The following DENND1A variants were observed in gnomAD, a reference collection of about 807,000 sequenced individuals.
DENND1A encodes the protein DENN domain-containing protein 1A.
Under a neutral mutation model 113.7 loss-of-function variants are expected in DENND1A, and 51 were observed. The observed-to-expected ratio is 0.45, with a 90% CI of 0.36 to 0.57. DENND1A has a LOEUF of 0.57. Ranked by LOEUF, DENND1A falls within the 20% of genes least tolerant of loss-of-function variation. The pLI, the probability that DENND1A is intolerant of heterozygous loss-of-function variation, is 0.00. For missense variants in DENND1A, 1,258 were observed against 1,395.9 expected (o/e 0.90, Z 1.57); for synonymous variants, 565 against 570.8 (o/e 0.99, Z 0.14).
chr9:123,796,752 T>TAC (rs1191964519), intron 2 of DENND1A, among the ~76,000 whole-genome samples: 1 of 107,154 alleles, frequency 9.3e-6, no homozygotes, highest in African/African-American at 4.9e-5. Context: ...CTCCTATGTG[T>TAC]ACATACACAC....
At chr9:123,593,084 C>T (rs2059533361) in intron 11 of DENND1A, among the ~76,000 whole-genome samples, 1 of 152,196 alleles carries the variant, frequency 6.6e-6, no homozygotes, top group Non-Finnish European at 1.5e-5. Context: ...CTCCAGGACA[C>T]ACACTGCTTC....
intron 1 of DENND1A, among the ~76,000 whole-genome samples, chr9:123,901,714 C>A (rs1204225726): frequency 2.0e-5 from 3 of 152,160 alleles, no homozygotes; most frequent in African/African-American, 4.8e-5. Flanking sequence ...CTCACTGACA[C>A]CTGGACTCTT....
intron 5 of DENND1A, among the ~76,000 whole-genome samples, chr9:123,686,949 G>A (rs944542204): frequency 1.2e-4 from 18 of 152,004 alleles, no homozygotes; most frequent in African/African-American, 4.3e-4. Flanking sequence ...TCATTCAATC[G>A]CAAATCTCTC....
intron 1 of DENND1A, among the ~76,000 whole-genome samples, 168 bp from the exon 2 acceptor site, chr9:123,879,189 A>G (rs1398431063): frequency 6.6e-6 from 1 of 152,138 alleles, no homozygotes; most frequent in Admixed American, 6.5e-5. Context: ...GCCTTCCTAA[A>G]CTACAAAATG....
At chr9:123,929,679 A>AC (rs999531564) in intron 1 of DENND1A, among the ~76,000 whole-genome samples, 1 of 150,414 alleles carries the variant, frequency 6.6e-6, no homozygotes, top group Non-Finnish European at 1.5e-5. Flanking sequence ...GGGACACCTG[A>AC]CCCCCGGCGC....
At chr9:123,832,769 C>A (rs1369900717) in intron 2 of DENND1A, among the ~76,000 whole-genome samples, 1 of 152,154 alleles carries the variant, frequency 6.6e-6, no homozygotes, top group African/African-American at 2.4e-5. Context: ...TAAATACACT[C>A]ATGACTCCAT....
intron 13 of DENND1A, among the ~76,000 whole-genome samples, chr9:123,540,478 G>T (rs2056202954): frequency 1.3e-5 from 2 of 152,178 alleles, no homozygotes; most frequent in Admixed American, 1.3e-4. Context: ...GACTGTCTTG[G>T]TGAGTCCTAA....
Position 123,734,566 on chromosome 9 carries a change from C to A in DENND1A, c.302+23137G>T, listed in dbSNP as rs376396705. 1.1e-3 allele frequency among the ~76,000 whole-genome samples: 169 copies of A among 152,172 alleles called. 1 individual carries two copies. Among genetic ancestry groups the A allele is most frequent in the Non-Finnish European group, 1.8e-3 (119 of 67,988 alleles). On this transcript the variant is annotated intron_variant, in intron 5 of 23. Transcript: ENST00000394215. ...CACCAAGTTTGGGATGGGGGCAAGA[C>A]AAAAGAATGGGAGGAACATGGACTT...
intron 13 of DENND1A, among the ~76,000 whole-genome samples, chr9:123,551,064 C>T (rs2057015395): frequency 6.6e-6 from 1 of 152,226 alleles, no homozygotes. Context: ...GGGGGTTTCT[C>T]TGGATGGGGC....
intron 2 of DENND1A, among the ~76,000 whole-genome samples, chr9:123,841,842 GT>G (rs1416110841): frequency 9.9e-5 from 15 of 152,266 alleles, no homozygotes; most frequent in Middle Eastern, 6.8e-3. Flanking sequence ...AGGAAGGCAG[GT>G]GACCAGGATG....
chr9:123,909,481 A>T (rs1425218823), intron 1 of DENND1A, among the ~76,000 whole-genome samples: 1 of 151,946 alleles, frequency 6.6e-6, no homozygotes, highest in Non-Finnish European at 1.5e-5. Flanking sequence ...CATTTGGTAA[A>T]ATTCAACATC....
At chr9:123,543,733 C>T (rs537791878) in intron 13 of DENND1A, among the ~76,000 whole-genome samples, 7 of 152,296 alleles carry the variant, frequency 4.6e-5, no homozygotes, top group African/African-American at 7.2e-5. Context: ...CAGACACATC[C>T]GTCCCTGGGA....
intron 1 of DENND1A, among the ~76,000 whole-genome samples, chr9:123,892,730 C>T (rs1030011353): frequency 6.6e-6 from 1 of 152,162 alleles, no homozygotes; most frequent in Non-Finnish European, 1.5e-5. Context: ...AAATAATATC[C>T]CAGCACTTTG....
chr9:123,385,777 C>A (rs1341584922), intron 22 of DENND1A, among the ~76,000 whole-genome samples: 4 of 152,158 alleles, frequency 2.6e-5, no homozygotes, highest in Non-Finnish European at 5.9e-5. Context: ...ACAGCACCCG[C>A]AAGAGGTGGA....
chr9:123,720,430 G>A (rs891280926), intron 5 of DENND1A, among the ~76,000 whole-genome samples: 9 of 152,298 alleles, frequency 5.9e-5, no homozygotes, highest in East Asian at 3.9e-4. Flanking sequence ...AGATTGGTCC[G>A]AGACCAGTTA....
intron 9 of DENND1A, among the ~76,000 whole-genome samples, chr9:123,650,173 T>G (rs1469414805): frequency 6.6e-6 from 1 of 152,170 alleles, no homozygotes; most frequent in Non-Finnish European, 1.5e-5. Flanking sequence ...GTTTGTGCCC[T>G]GAAATTATGA....
chr9:123,527,836 G>C (rs879450058), intron 13 of DENND1A, among the ~76,000 whole-genome samples: 5 of 152,196 alleles, frequency 3.3e-5, no homozygotes, highest in Non-Finnish European at 7.3e-5. Flanking sequence ...TGCTAGAAAA[G>C]AGTTTGAATC....
At chr9:123,561,838 C>T (rs1236361581) in intron 12 of DENND1A, among the ~76,000 whole-genome samples, 4 of 152,144 alleles carry the variant, frequency 2.6e-5, no homozygotes, top group East Asian at 1.9e-4. Flanking sequence ...CTGGGCCAGG[C>T]GTCAGATGTC....
intron 13 of DENND1A, among the ~76,000 whole-genome samples, chr9:123,555,420 C>G (rs2057362614): frequency 6.6e-6 from 1 of 152,230 alleles, no homozygotes; most frequent in Middle Eastern, 3.2e-3. Flanking sequence ...ATCTCCCCAC[C>G]CAATTGCTCC....
Sources: allele counts gnomAD v4.1 joint callset (sites outside exome capture counted in the v4.1 genomes callset), GRCh38; gene constraint gnomAD v4.1.1; transcripts MANE v1.5; gene names NCBI Gene and HGNC (gene_info 2026-07-23, HGNC 2026-07-21).